Variants in NRXN1 observed in about 807,000 individuals in gnomAD.
The protein encoded by NRXN1 is neurexin-1.
Under a neutral mutation model 150.9 loss-of-function variants are expected in NRXN1, and 39 were observed. That is an observed-to-expected ratio of 0.26 (90% CI 0.20 to 0.34). The LOEUF (loss-of-function observed/expected upper bound fraction) is 0.34. Ranked by LOEUF, NRXN1 falls within the 10% of genes least tolerant of loss-of-function variation. NRXN1 has a pLI of 1.00. For synonymous variants in NRXN1, 924 were observed against 757.0 expected (o/e 1.22, Z -3.62); for missense variants, 1,815 against 1,949.9 (o/e 0.93, Z 1.30).
At chr2:50,866,186 T>C (rs1268317942) in intron 5 of NRXN1, among the ~76,000 whole-genome samples, 2 of 151,886 alleles carry the variant, frequency 1.3e-5, no homozygotes, top group African/African-American at 4.8e-5. Flanking sequence ...TATCAATTAT[T>C]AGAGAAAAAT....
chr2:50,778,368 G>T (rs955221662), intron 5 of NRXN1, among the ~76,000 whole-genome samples: 1 of 152,184 alleles, frequency 6.6e-6, no homozygotes, highest in African/African-American at 2.4e-5. Flanking sequence ...CATAGTAATT[G>T]TTTTTAAATA....
At chr2:50,355,947 G>T (rs1156228785) in intron 17 of NRXN1, among the ~76,000 whole-genome samples, 1 of 151,928 alleles carries the variant, frequency 6.6e-6, no homozygotes, top group East Asian at 1.9e-4. Flanking sequence ...AAATATATAA[G>T]AAGTTTAGGC....
chr2:50,414,977 C>T (rs761698442), intron 17 of NRXN1, among the ~76,000 whole-genome samples: 3 of 152,058 alleles, frequency 2.0e-5, no homozygotes, highest in African/African-American at 7.2e-5. Flanking sequence ...GAAGCTCTTT[C>T]AATGGACACC....
At chr2:50,104,472 T>G (rs1445859709) in intron 18 of NRXN1, among the ~76,000 whole-genome samples, 2 of 151,990 alleles carry the variant, frequency 1.3e-5, no homozygotes, top group Non-Finnish European at 2.9e-5. Flanking sequence ...TGTAACTTAT[T>G]CAGTGTTTGG....
chr2:50,605,949 G>C (rs116558483), intron 8 of NRXN1, among the ~76,000 whole-genome samples: 2,310 of 152,072 alleles, frequency 0.015, 59 homozygotes, highest in African/African-American at 0.052. Context: ...ACATACAAGG[G>C]AAAATTATTC....
chr2:50,236,650 C>T, intron 18 of NRXN1, 139 bp downstream of exon 18: 1 of 770,432 alleles, frequency 1.3e-6, no homozygotes, highest in Non-Finnish European at 2.2e-6. Flanking sequence ...GTCTTATTTC[C>T]TCTAGATTGT....
At chr2:49,973,821 A>G (rs1678406713) in intron 21 of NRXN1, 1 of 585,212 alleles carries the variant, frequency 1.7e-6, no homozygotes, top group Non-Finnish European at 3.0e-6. Context: ...TCAAGAAGAA[A>G]TATTTTAACA....
At chr2:50,169,206 C>T (rs184493896) in intron 18 of NRXN1, among the ~76,000 whole-genome samples, 1 of 152,170 alleles carries the variant, frequency 6.6e-6, no homozygotes, top group Admixed American at 6.6e-5. Flanking sequence ...TGCTGAAAGC[C>T]GTACAGAAAG....
chr2:50,435,908 C>A (rs558022170), intron 17 of NRXN1, among the ~76,000 whole-genome samples: 2 of 152,194 alleles, frequency 1.3e-5, no homozygotes, highest in African/African-American at 2.4e-5. Flanking sequence ...CCGTGACACA[C>A]AATTTACCTA....
chr2:50,521,510 A>C (rs924366438), intron 12 of NRXN1, among the ~76,000 whole-genome samples: 1 of 152,138 alleles, frequency 6.6e-6, no homozygotes, highest in African/African-American at 2.4e-5. Context: ...TTTCTTATCC[A>C]TCTTGCTTTT....
chr2:50,889,811 T>C (rs1389204475), intron 5 of NRXN1, among the ~76,000 whole-genome samples: 1 of 151,652 alleles, frequency 6.6e-6, no homozygotes, highest in Non-Finnish European at 1.5e-5. Context: ...TTCATAAACA[T>C]AACTGCATAC....
chr2:50,671,717 T>C (rs1183776017), intron 5 of NRXN1, among the ~76,000 whole-genome samples: 4 of 151,900 alleles, frequency 2.6e-5, no homozygotes, highest in African/African-American at 9.6e-5. Context: ...ATTATTGAAG[T>C]AGAGATTTGT....
At chr2:50,922,743 G>C in intron 3 of NRXN1, 56 bp from the exon 4 acceptor site, 2 of 1,562,136 alleles carry the variant, frequency 1.3e-6, no homozygotes, top group Non-Finnish European at 1.8e-6. Context: ...GGGAAGGCAG[G>C]GTTGTCACGG....
At chr2:50,668,196 G>T (rs1335497671) in intron 5 of NRXN1, among the ~76,000 whole-genome samples, 1 of 151,760 alleles carries the variant, frequency 6.6e-6, no homozygotes, top group African/African-American at 2.4e-5. Flanking sequence ...AGCCTCAGTG[G>T]CATTTTCACA....
chr2:50,838,032 C>A (rs771584090), intron 5 of NRXN1, among the ~76,000 whole-genome samples: 3 of 152,084 alleles, frequency 2.0e-5, no homozygotes, highest in Non-Finnish European at 4.4e-5. Context: ...AAGACTACCT[C>A]AATCTACCTT....
At chr2:50,607,092 G>A (rs1223763648) in intron 8 of NRXN1, among the ~76,000 whole-genome samples, 1 of 152,098 alleles carries the variant, frequency 6.6e-6, no homozygotes, top group African/African-American at 2.4e-5. Flanking sequence ...CACAAATTCA[G>A]TTTAGGGGAA....
At chr2:50,378,468 T>A (rs572656962) in intron 17 of NRXN1, among the ~76,000 whole-genome samples, 1 of 152,262 alleles carries the variant, frequency 6.6e-6, no homozygotes, top group East Asian at 1.9e-4. Flanking sequence ...AGCAGCACAG[T>A]ACTCTGTAGA....
At chr2:50,449,523 G>A (rs1322711931) in intron 17 of NRXN1, among the ~76,000 whole-genome samples, 1 of 152,148 alleles carries the variant, frequency 6.6e-6, no homozygotes, top group Non-Finnish European at 1.5e-5. Flanking sequence ...AGCATATTCA[G>A]AGTCAGTAGG....
At chr2:50,712,673 G>C (rs1181520892) in intron 5 of NRXN1, among the ~76,000 whole-genome samples, 1 of 152,120 alleles carries the variant, frequency 6.6e-6, no homozygotes, top group African/African-American at 2.4e-5. Context: ...TCCTAATTCA[G>C]AAGCATCATC....
Sources: gnomAD v4.1 joint callset for allele counts (sites outside exome capture counted in the v4.1 genomes callset) on GRCh38, gnomAD v4.1.1 for gene constraint, MANE v1.5 for transcripts, NCBI Gene and HGNC (gene_info 2026-07-23, HGNC 2026-07-21) for gene names.